ADGRV1: variants seen among roughly 807,000 people sequenced by gnomAD.
ADGRV1 encodes the protein G-protein coupled receptor 98.
Under a neutral mutation model 596.2 loss-of-function variants are expected in ADGRV1, and 359 were observed. The ratio of observed to expected loss-of-function variants is 0.60; its 90% CI spans 0.55 to 0.66. The LOEUF (loss-of-function observed/expected upper bound fraction) is 0.66. Ranked by LOEUF, ADGRV1 falls within the 30% of genes least tolerant of loss-of-function variation. The pLI is 0.00. For missense variants in ADGRV1, 7,274 were observed against 7,575.6 expected, an observed-to-expected ratio of 0.96 and a Z score of 1.48; for synonymous variants, 2,681 against 2,679.2, an observed-to-expected ratio of 1.00 and a Z score of -0.02.
intron 25 of ADGRV1, 67 bp from the exon 26 acceptor site, chr5:90,679,482 A>C: frequency 9.2e-7 from 1 of 1,083,104 alleles, no homozygotes; most frequent in South Asian, 1.4e-5. Context: ...ATGTTTTAAG[A>C]CCTCTCAATT....
chr5:90,917,732 G>A (rs1773508752), intron 83 of ADGRV1, among the ~76,000 whole-genome samples: 1 of 152,118 alleles, frequency 6.6e-6, no homozygotes, highest in Admixed American at 6.6e-5. Context: ...CAGAAAGCGT[G>A]CTACCAAGCA....
chr5:90,666,563 C>T (rs532453401), intron 21 of ADGRV1, among the ~76,000 whole-genome samples: 2 of 96,822 alleles, frequency 2.1e-5, no homozygotes, highest in African/African-American at 4.4e-5. Context: ...CTTGACTATC[C>T]AATTTGCCAG....
At chr5:90,928,596 A>G (rs1468281169) in intron 83 of ADGRV1, among the ~76,000 whole-genome samples, 2 of 150,068 alleles carry the variant, frequency 1.3e-5, no homozygotes, top group Non-Finnish European at 3.0e-5. Flanking sequence ...CGTAGCTCAG[A>G]GTAATTTGAT....
chr5:90,788,884 A>G (rs1267225619), intron 68 of ADGRV1, among the ~76,000 whole-genome samples: 2 of 151,810 alleles, frequency 1.3e-5, no homozygotes, highest in Non-Finnish European at 2.9e-5. Context: ...ACACACACAC[A>G]CACACACACT....
At chr5:90,893,496 C>T (rs1771020232) in intron 83 of ADGRV1, among the ~76,000 whole-genome samples, 1 of 152,072 alleles carries the variant, frequency 6.6e-6, no homozygotes, top group South Asian at 2.1e-4. Context: ...TGAAGGCTGG[C>T]TGCCGTGATA....
chr5:90,608,770 A>G (rs1314173530), intron 1 of ADGRV1, among the ~76,000 whole-genome samples: 1 of 152,030 alleles, frequency 6.6e-6, no homozygotes, highest in African/African-American at 2.4e-5. Flanking sequence ...ACAGGAAAGG[A>G]TTCAAAGAGA....
chr5:91,030,980 G>C, intron 85 of ADGRV1: 1 of 1,341,524 alleles, frequency 7.5e-7, no homozygotes. Flanking sequence ...AACGTCGACT[G>C]ATTTTATATG....
chr5:90,818,529 C>G (rs1349633024), intron 75 of ADGRV1, among the ~76,000 whole-genome samples: 1 of 150,036 alleles, frequency 6.7e-6, no homozygotes, highest in African/African-American at 2.4e-5. Context: ...TTTGCCCATT[C>G]AGTATGATAT....
chr5:90,642,183 T>G (rs1767053550), intron 11 of ADGRV1, among the ~76,000 whole-genome samples: 1 of 152,186 alleles, frequency 6.6e-6, no homozygotes, highest in East Asian at 1.9e-4. Context: ...CTCTATTCAG[T>G]TAGTATAATC....
At chr5:91,110,729 C>G (rs1240883013) in intron 87 of ADGRV1, among the ~76,000 whole-genome samples, 2 of 152,152 alleles carry the variant, frequency 1.3e-5, no homozygotes, top group African/African-American at 4.8e-5. Context: ...GGAGAAGGTT[C>G]ATATGCATAG....
chr5:90,725,360 T>C (rs1751630578), intron 47 of ADGRV1, 128 bp downstream of exon 47: 4 of 722,082 alleles, frequency 5.5e-6, no homozygotes, highest in East Asian at 2.9e-5. Context: ...TGAGTTGATA[T>C]ACATTTTAGC....
At chr5:91,123,525 A>G (rs147031377) in intron 87 of ADGRV1, among the ~76,000 whole-genome samples, 14 of 152,306 alleles carry the variant, frequency 9.2e-5, no homozygotes, top group African/African-American at 2.6e-4. Flanking sequence ...TAGAGCCCTC[A>G]TGACCTAATC....
At chr5:90,960,829 G>T (rs1777940470) in intron 83 of ADGRV1, among the ~76,000 whole-genome samples, 2 of 152,180 alleles carry the variant, frequency 1.3e-5, no homozygotes, top group Admixed American at 1.3e-4. Flanking sequence ...TTAGGGAATA[G>T]CAGTAAATGC....
chr5:90,836,874 GTGT>G (rs1351327417), intron 77 of ADGRV1, among the ~76,000 whole-genome samples: 1 of 152,150 alleles, frequency 6.6e-6, no homozygotes, highest in African/African-American at 2.4e-5. Flanking sequence ...AATTGCCCTT[GTGT>G]TGTTCTCTAA....
intron 29 of ADGRV1, among the ~76,000 whole-genome samples, chr5:90,689,332 CTTTTTTTTTTTT>C (rs34756274): frequency 4.8e-5 from 5 of 104,438 alleles, no homozygotes; most frequent in African/African-American, 1.7e-4. Context: ...CCCCACCCAC[CTTTTTTTTTTTT>C]TTTTTTTTTT....
intron 78 of ADGRV1, 73 bp from the exon 79 acceptor site, chr5:90,848,564 C>T: frequency 4.2e-6 from 3 of 719,136 alleles, no homozygotes; most frequent in Non-Finnish European, 4.1e-6. Context: ...AACACACACA[C>T]ATATATGTAT....
At chr5:90,907,693 T>C (rs1240746139) in intron 83 of ADGRV1, among the ~76,000 whole-genome samples, 1 of 152,124 alleles carries the variant, frequency 6.6e-6, no homozygotes, top group Non-Finnish European at 1.5e-5. Flanking sequence ...TTTCTGGACT[T>C]GATTAGGTGG....
intron 87 of ADGRV1, among the ~76,000 whole-genome samples, chr5:91,105,333 C>T (rs750174898): frequency 2.0e-5 from 3 of 152,148 alleles, no homozygotes; most frequent in Non-Finnish European, 4.4e-5. Flanking sequence ...CACTGATTTT[C>T]TTTCCTTAGG....
chr5:90,794,964 C>A (rs933746775), intron 70 of ADGRV1, among the ~76,000 whole-genome samples: 55 of 152,044 alleles, frequency 3.6e-4, no homozygotes, highest in Admixed American at 3.4e-3. Flanking sequence ...ACTGTGCTTT[C>A]CCCATAGTCA....
Sources: allele counts gnomAD v4.1 joint callset (sites outside exome capture counted in the v4.1 genomes callset), GRCh38; gene constraint gnomAD v4.1.1; transcripts MANE v1.5; gene names NCBI Gene and HGNC (gene_info 2026-07-23, HGNC 2026-07-21).